MCFD2: variants seen among roughly 807,000 people sequenced by gnomAD.
The protein encoded by MCFD2 is multiple coagulation factor deficiency protein 2.
A neutral mutation model predicts 12.8 loss-of-function variants in MCFD2; 11 were observed. The observed-to-expected ratio is 0.86, with a 90% CI of 0.54 to 1.42. The LOEUF is 1.42. Ranked by LOEUF, MCFD2 falls within the 40% of genes most tolerant of loss-of-function variation. The pLI, the probability that MCFD2 is intolerant of heterozygous loss-of-function variation, is 0.00. For missense variants in MCFD2, 191 were observed against 178.6 expected (o/e 1.07, Z -0.40); for synonymous variants, 70 against 68.1 (o/e 1.03, Z -0.14).
chr2:46,924,347 C>A (rs1314872267), intron 1 of MCFD2, among the ~76,000 whole-genome samples: 1 of 151,824 alleles, frequency 6.6e-6, no homozygotes, highest in African/African-American at 2.4e-5. Context: ...AAGTTAGCTC[C>A]TTCTTAATTT....
chr2:46,920,649 G>GA (rs10713433), upstream of MCFD2, among the ~76,000 whole-genome samples: 486 of 136,254 alleles, frequency 3.6e-3, 2 homozygotes, highest in African/African-American at 4.9e-3. Context: ...AGGCTTTTTT[G>GA]AAAAAAAAAA....
At chr2:46,934,945 C>T (rs772110307) in intron 1 of MCFD2, among the ~76,000 whole-genome samples, 7 of 151,504 alleles carry the variant, frequency 4.6e-5, no homozygotes, top group African/African-American at 9.7e-5. Flanking sequence ...GAACTACAGG[C>T]GCGCACCACC....
Position 46,908,871 on chromosome 2 carries a change from A to G in MCFD2, c.149+152T>C. On this transcript the variant is annotated intron_variant, in intron 2 of 3. Coordinates refer to ENST00000319466, the MANE Select transcript of MCFD2 (RefSeq NM_139279.6). This position sits in a 1 kb window ranked among gnomAD's most constrained non-coding sequence, Gnocchi z 4.5. The stretch of plus-strand genomic sequence containing the variant: ...GATGAAAAAAGAATACCTGACTTAT[A>G]GGTGGCAATAAGGAATAAGAATCAT... The G allele has an allele frequency of 1.0e-6, 1 of 989,614 alleles. No individual in the cohort carries two copies. The highest frequency in any genetic ancestry group is 1.6e-6 in the Non-Finnish European group (1 of 635,272). 61.3% of individuals were successfully genotyped at this position (989,614 alleles called of 1,614,324 possible).
At chr2:46,934,293 C>T (rs1669854433) in intron 1 of MCFD2, among the ~76,000 whole-genome samples, 1 of 152,228 alleles carries the variant, frequency 6.6e-6, no homozygotes, top group Admixed American at 6.5e-5. Context: ...GAGTCTTGCT[C>T]TGTTGCTCAG....
At position 46,941,834 on chromosome 2, in the gene MCFD2, C is replaced by G. The variant is rs1261081245; in HGVS notation, c.-270G>C. The stretch of plus-strand genomic sequence containing the variant: ...CGGCCGACAGCGGGCGCCTGCCAGC[C>G]CACCGTGCTAGTCTTAAGAGCAGCC... On this transcript the variant is annotated 5_prime_UTR_variant, in exon 1 of 3. Transcript: ENST00000409147. The surrounding 1 kb of genome is among the most constrained non-coding windows in gnomAD (Gnocchi z 4.2). 1.4e-6 allele frequency: 2 copies of G among 1,401,486 alleles called. No homozygotes were observed. The highest frequency in any genetic ancestry group is 1.4e-5 in the African/African-American group (1 of 69,728). The allele number at this position is 1,401,486 out of a possible 1,614,324, so 86.8% of individuals were successfully genotyped here.
upstream of MCFD2, among the ~76,000 whole-genome samples, chr2:46,919,785 A>G (rs569426113): frequency 3.3e-5 from 5 of 152,346 alleles, no homozygotes; most frequent in African/African-American, 1.2e-4. Flanking sequence ...AGATTCTCCA[A>G]CTGAGAACTT....
intron 1 of MCFD2, among the ~76,000 whole-genome samples, chr2:46,934,007 C>T (rs1439194635): frequency 6.6e-6 from 1 of 152,066 alleles, no homozygotes; most frequent in Non-Finnish European, 1.5e-5. Context: ...TGACCTCCAG[C>T]CCAACTACTC....
Position 46,937,904 on chromosome 2 carries a change from G to A in MCFD2, c.-8+3668C>T, listed in dbSNP as rs1475670561. Among the ~76,000 whole-genome samples, 1 of 152,046 alleles carries A rather than the reference G, an allele frequency of 6.6e-6. No individual in the cohort carries two copies. Among genetic ancestry groups the A allele is most frequent in the Non-Finnish European group, 1.5e-5 (1 of 68,024 alleles). ...GAGAGAAGTCTGTTCAGCAGGTCATGGACTGAAGAAAACTACTGTGTATAT... is the reference window on the plus strand; with the variant it reads ...GAGAGAAGTCTGTTCAGCAGGTCATAGACTGAAGAAAACTACTGTGTATAT... On this transcript the variant is annotated intron_variant, in intron 1 of 2. Coordinates refer to the MCFD2 transcript ENST00000409147. This position sits in a 1 kb window ranked among gnomAD's most constrained non-coding sequence, Gnocchi z 4.0.
chr2:46,916,048 G>A (rs6544938), upstream of MCFD2: 25,437 of 985,432 alleles, frequency 0.026, 784 homozygotes, highest in African/African-American at 0.13. Context: ...GGGCCCGGCA[G>A]TTGCTAGGCA....
Position 46,940,546 on chromosome 2 carries a change from CTT to C in MCFD2, c.-8+1024_-8+1025del, listed in dbSNP as rs1670241402. Reference sequence around the variant, plus strand: ...CACTCCATAGAGCTTTGATCACAGTCTTAGACCAGCATGAAGAAATAAATAAA... The same window carrying C: ...CACTCCATAGAGCTTTGATCACAGTCAGACCAGCATGAAGAAATAAATAAA... On this transcript the variant is annotated intron_variant, in intron 1 of 2. Transcript: ENST00000409147. The surrounding 1 kb of genome is among the most constrained non-coding windows in gnomAD (Gnocchi z 4.7). 6.6e-6 allele frequency among the ~76,000 whole-genome samples: 1 copy of C among 152,220 alleles called. No individual in the cohort carries two copies. The highest frequency in any genetic ancestry group is 2.1e-4 in the South Asian group (1 of 4,834).
At chr2:46,929,546 TATC>T (rs1314215256) in intron 1 of MCFD2, among the ~76,000 whole-genome samples, 2 of 152,146 alleles carry the variant, frequency 1.3e-5, no homozygotes, top group Non-Finnish European at 2.9e-5. Flanking sequence ...TCAAATAAGA[TATC>T]ATAAAGGAAA....
intron 1 of MCFD2, among the ~76,000 whole-genome samples, chr2:46,938,453 G>T (rs73926981): frequency 0.012 from 1,794 of 152,170 alleles, 40 homozygotes; most frequent in African/African-American, 0.04. Flanking sequence ...AACCGAGGGG[G>T]TATTCTCTTC....
upstream of MCFD2, chr2:46,917,157 C>T: frequency 1.4e-6 from 1 of 701,052 alleles, no homozygotes; most frequent in Non-Finnish European, 2.6e-6. Flanking sequence ...ATCCCATAAT[C>T]CCTAATTTTT....
At position 46,909,031 on chromosome 2, in the gene MCFD2, G is replaced by T. The variant is rs778325740; in HGVS notation, c.141C>A (p.His47Gln). ...CCGGGCTGAATACGTACTCTTGGTC[G>T]TGCACTGTGTTCTTATCCAGGCCCA... ...GSMGLDKNTVHDQEHIMEHLE... is the reference protein window; with the variant it reads ...GSMGLDKNTVQDQEHIMEHLE... Residue 47 changes from histidine to glutamine, a missense_variant, in exon 2 of 4, where the codon CAC (histidine) becomes CAA (glutamine). Coordinates refer to ENST00000319466, the MANE Select transcript of MCFD2 (RefSeq NM_139279.6). The T allele has an allele frequency of 6.2e-7, 1 of 1,614,194 alleles. No homozygotes were observed. Among genetic ancestry groups the T allele is most frequent in the South Asian group, 1.1e-5 (1 of 91,082 alleles).
upstream of MCFD2, among the ~76,000 whole-genome samples, chr2:46,919,786 C>G (rs530592851): frequency 4.6e-5 from 7 of 152,350 alleles, no homozygotes; most frequent in African/African-American, 1.7e-4. Context: ...GATTCTCCAA[C>G]TGAGAACTTA....
rs1386641579 is a variant in MCFD2, at chr2:46,941,821, G to T, written c.-257C>A. The T allele has an allele frequency of 1.2e-5, 17 of 1,475,666 alleles. No individual in the cohort carries two copies. The highest frequency in any genetic ancestry group is 1.4e-5 in the Non-Finnish European group (15 of 1,090,820). 91.4% of individuals were successfully genotyped at this position (1,475,666 alleles called of 1,614,324 possible). On this transcript the variant is annotated 5_prime_UTR_variant, in exon 1 of 3. Transcript: ENST00000409147. This position sits in a 1 kb window ranked among gnomAD's most constrained non-coding sequence, Gnocchi z 4.2. ...CCCAGACAGTCCTCGGCCGACAGCGGGCGCCTGCCAGCCCACCGTGCTAGT... is the reference window on the plus strand; with the variant it reads ...CCCAGACAGTCCTCGGCCGACAGCGTGCGCCTGCCAGCCCACCGTGCTAGT...
chr2:46,903,552 A>G lies in MCFD2; in HGVS notation c.*1911T>C, dbSNP rs570386928. 6.6e-6 allele frequency: 1 copy of G among 152,350 alleles called. No individual in the cohort carries two copies. Among genetic ancestry groups the G allele is most frequent in the South Asian group, 2.1e-4 (1 of 4,832 alleles). 9.4% of individuals were successfully genotyped at this position (152,350 alleles called of 1,614,324 possible). On this transcript the variant is annotated 3_prime_UTR_variant, in exon 4 of 4. Coordinates refer to ENST00000319466, the MANE Select transcript of MCFD2 (RefSeq NM_139279.6). ...ATGCTGATAGCAATATGGACAACAA[A>G]GTCCAGGCTGAGGTGGCCTCAGATG...
chr2:46,938,761 C>A (rs994655187), intron 1 of MCFD2, among the ~76,000 whole-genome samples: 3 of 152,092 alleles, frequency 2.0e-5, no homozygotes, highest in Middle Eastern at 3.2e-3. Flanking sequence ...TGCCTGTAAT[C>A]CCAGCACTTT....
chr2:46,906,185 T>G (rs1668224765), intron 3 of MCFD2, among the ~76,000 whole-genome samples: 1 of 152,104 alleles, frequency 6.6e-6, no homozygotes, highest in African/African-American at 2.4e-5. Context: ...CACCATTCCC[T>G]CTCCTGTCAC....
Sources: gnomAD v4.1 joint callset for allele counts (sites outside exome capture counted in the v4.1 genomes callset) on GRCh38, gnomAD v4.1.1 for gene constraint, Gnocchi (gnomAD v3.1) non-coding constraint, MANE v1.5 for transcripts, NCBI Gene and HGNC (gene_info 2026-07-23, HGNC 2026-07-21) for gene names.